Variants in PCDH11Y observed in about 807,000 individuals in gnomAD.
PCDH11Y encodes protocadherin 11 Y-linked.
For synonymous variants in PCDH11Y, 9 were observed against 83.6 expected (o/e 0.11, Z 4.87); for missense variants, 12 against 224.8 (o/e 0.05, Z 6.05).
chrY:5,689,197 C>CA (rs1556034570), intron 4 of PCDH11Y, among the ~76,000 whole-genome samples: 27 of 2,264 alleles, frequency 0.012, no homozygotes, highest in African/African-American at 0.04. Flanking sequence ...GACTCAGTCT[C>CA]AAAAAAAAAA....
intron 3 of PCDH11Y, among the ~76,000 whole-genome samples, chrY:5,557,864 T>G: frequency 9.2e-5 from 3 of 32,586 alleles, no homozygotes; most frequent in Admixed American, 2.8e-4. Flanking sequence ...GCCTAGTCTG[T>G]TGGATTTTTT....
intron 2 of PCDH11Y, among the ~76,000 whole-genome samples, chrY:5,156,162 AGTGTGT>A (rs56938003): frequency 4.3e-5 from 1 of 23,254 alleles, no homozygotes; most frequent in Admixed American, 3.9e-4. Context: ...GCATTGTGTG[AGTGTGT>A]GTGTGTGTGT....
chrY:5,718,312 A>T, intron 4 of PCDH11Y, among the ~76,000 whole-genome samples: 1 of 33,178 alleles, frequency 3.0e-5, no homozygotes, highest in Non-Finnish European at 7.4e-5. Flanking sequence ...TCATGGTGTG[A>T]TTGTTACACT....
intron 4 of PCDH11Y, among the ~76,000 whole-genome samples, chrY:5,604,408 A>C: frequency 3.1e-5 from 1 of 32,636 alleles, no homozygotes; most frequent in Admixed American, 2.9e-4. Flanking sequence ...ACTACATATA[A>C]ATCGCACTTT....
chrY:5,011,194 C>A, intron 1 of PCDH11Y, among the ~76,000 whole-genome samples: 1 of 33,857 alleles, frequency 3.0e-5, no homozygotes, highest in Admixed American at 2.6e-4. Flanking sequence ...TTTGGTGTGA[C>A]TATATTGGTT....
intron 1 of PCDH11Y, among the ~76,000 whole-genome samples, chrY:5,095,930 G>A (rs2052749774): frequency 6.5e-5 from 2 of 30,905 alleles, no homozygotes; most frequent in Non-Finnish European, 1.6e-4. Flanking sequence ...TTTAAATAAC[G>A]TTGGAACAAA....
intron 3 of PCDH11Y, among the ~76,000 whole-genome samples, chrY:5,504,211 A>T: frequency 6.6e-5 from 2 of 30,098 alleles, no homozygotes; most frequent in South Asian, 7.9e-4. Flanking sequence ...TAGGTGAAGA[A>T]ATCACACAAT....
At chrY:5,435,348 C>G in intron 2 of PCDH11Y, among the ~76,000 whole-genome samples, 1 of 22,658 alleles carries the variant, frequency 4.4e-5, no homozygotes, top group African/African-American at 1.8e-4. Flanking sequence ...GAGTCTCGCT[C>G]TGTCGCCCAG....
chrY:5,163,481 T>TG (rs2052876386), intron 2 of PCDH11Y, among the ~76,000 whole-genome samples: 1 of 33,076 alleles, frequency 3.0e-5, no homozygotes, highest in Non-Finnish European at 7.5e-5. Context: ...TTTGGATGTG[T>TG]GCCCTGCCTA....
chrY:5,164,389 G>A, intron 2 of PCDH11Y, among the ~76,000 whole-genome samples: 2 of 31,816 alleles, frequency 6.3e-5, no homozygotes, highest in South Asian at 1.4e-3. Context: ...TAGTCTGAAG[G>A]CAGTCTGTGA....
chrY:5,064,394 AG>A (rs2124629432), intron 1 of PCDH11Y, among the ~76,000 whole-genome samples: 1 of 28,764 alleles, frequency 3.5e-5, no homozygotes, highest in Non-Finnish European at 8.2e-5. Flanking sequence ...AATACAATGA[AG>A]TGAAATTCTA....
At chrY:5,076,297 T>C in intron 1 of PCDH11Y, among the ~76,000 whole-genome samples, 1 of 33,508 alleles carries the variant, frequency 3.0e-5, no homozygotes, top group South Asian at 6.7e-4. Flanking sequence ...GAGCTCTCCA[T>C]ATATTCTGAT....
chrY:5,415,818 A>G, intron 2 of PCDH11Y, among the ~76,000 whole-genome samples: 3 of 32,533 alleles, frequency 9.2e-5, no homozygotes, highest in African/African-American at 2.4e-4. Flanking sequence ...TCAAGTGCCC[A>G]TGGGGATCAT....
intron 2 of PCDH11Y, among the ~76,000 whole-genome samples, chrY:5,336,574 A>G (rs2053137746): frequency 4.4e-5 from 1 of 22,862 alleles, no homozygotes; most frequent in Non-Finnish European, 1.0e-4. Flanking sequence ...TCTAAACTGC[A>G]CTGATGATCA....
Position 5,146,472 on chromosome Y carries a change from G to A in PCDH11Y, c.3129+45765G>A. Among the ~76,000 whole-genome samples the A allele has an allele frequency of 1.2e-4, 4 of 33,645 alleles. No homozygotes were observed. In the South Asian group the frequency reaches 2.0e-3, roughly 17 times the overall value. 90.3% of individuals were successfully genotyped at this position (33,645 alleles called of 37,273 possible). On this transcript the variant is annotated intron_variant, in intron 2 of 4. Transcript: ENST00000400457. The stretch of plus-strand genomic sequence containing the variant: ...TGGACTCTACAAAAGCACAGCTTCT[G>A]GAGATTCTAAATCAAAAGATACAAG...
chrY:5,564,675 C>T, intron 3 of PCDH11Y, among the ~76,000 whole-genome samples: 4 of 32,953 alleles, frequency 1.2e-4, no homozygotes, highest in Non-Finnish European at 3.0e-4. Context: ...TACACGACAG[C>T]AACTCTAGCC....
intron 4 of PCDH11Y, among the ~76,000 whole-genome samples, chrY:5,734,402 C>T: frequency 3.0e-5 from 1 of 33,273 alleles, no homozygotes; most frequent in African/African-American, 1.2e-4. Flanking sequence ...CATGCTGTGG[C>T]ACCCATTAAT....
chrY:5,504,776 T>A, intron 3 of PCDH11Y, among the ~76,000 whole-genome samples: 1 of 33,039 alleles, frequency 3.0e-5, no homozygotes, highest in Non-Finnish European at 7.6e-5. Context: ...CTCTTGGGAC[T>A]ACTGTAAACA....
At chrY:5,671,077 A>G in intron 4 of PCDH11Y, among the ~76,000 whole-genome samples, 1 of 32,568 alleles carries the variant, frequency 3.1e-5, no homozygotes, top group Non-Finnish European at 7.6e-5. Flanking sequence ...AAATGAATTC[A>G]TTATAAGTGT....
Sources: gnomAD v4.1 joint callset for allele counts (sites outside exome capture counted in the v4.1 genomes callset) on GRCh38, gnomAD v4.1.1 for gene constraint, MANE v1.5 for transcripts, NCBI Gene and HGNC (gene_info 2026-07-23, HGNC 2026-07-21) for gene names.